The following COL24A1 variants were observed in gnomAD, a reference collection of about 807,000 sequenced individuals.
COL24A1 encodes collagen type XXIV alpha 1 chain.
A neutral mutation model predicts 253.9 loss-of-function variants in COL24A1; 224 were observed. The ratio of observed to expected loss-of-function variants is 0.88; its 90% CI spans 0.79 to 0.99. The LOEUF is 0.99. COL24A1 is among the 50% of genes least tolerant of loss of function. The probability of loss-of-function intolerance (pLI) is 0.00; values close to 1 mark genes in which losing one functional copy is unlikely to be tolerated. For synonymous variants in COL24A1, 685 were observed against 673.7 expected (o/e 1.02, Z -0.26); for missense variants, 2,131 against 2,068.5 (o/e 1.03, Z -0.59).
intron 24 of COL24A1, among the ~76,000 whole-genome samples, chr1:85,956,973 C>A: frequency 6.6e-6 from 1 of 152,052 alleles, no homozygotes; most frequent in Non-Finnish European, 1.5e-5. Context: ...ACCCAAATGC[C>A]CATCAATGAT....
chr1:86,111,996 G>A (rs1705663061), intron 5 of COL24A1, among the ~76,000 whole-genome samples: 1 of 152,146 alleles, frequency 6.6e-6, no homozygotes, highest in Admixed American at 6.5e-5. Flanking sequence ...CTCACCGCGA[G>A]GGTCCGTGGC....
chr1:86,132,282 T>C (rs1376567088), intron 2 of COL24A1, among the ~76,000 whole-genome samples: 2 of 152,176 alleles, frequency 1.3e-5, no homozygotes, highest in East Asian at 1.9e-4. Flanking sequence ...GTCAGATGAG[T>C]AGATTGCAAA....
At chr1:86,010,521 C>T (rs914895764) in intron 19 of COL24A1, among the ~76,000 whole-genome samples, 10 of 152,082 alleles carry the variant, frequency 6.6e-5, no homozygotes, top group African/African-American at 2.2e-4. Context: ...GATTGGAATG[C>T]AATTCTTTCA....
rs770017500 is a variant in COL24A1 at position 86,125,614 on chromosome 1, T to C, written c.722A>G (p.Gln241Arg). Reference sequence around the variant, plus strand: ...TTGGTATTTGTCTGCTTGGCGACACTGCTGTTTCACATATCTGCAGTAGTC... The same window carrying C: ...TTGGTATTTGTCTGCTTGGCGACACCGCTGTTTCACATATCTGCAGTAGTC... ...SADYCRYVKQ[Q>R]CRQADKYQPE... The change falls in exon 3 of 60, where the codon CAG (glutamine) becomes CGG (arginine). Residue 241 changes from glutamine to arginine, a missense_variant. Physicochemically the swap from Gln to Arg is conservative, Grantham distance 43. Transcript: ENST00000370571. 3.1e-6 allele frequency: 5 copies of C among 1,613,320 alleles called. No homozygotes were observed. In the South Asian group the frequency reaches 5.5e-5, roughly 18 times the overall value.
chr1:85,854,595 T>C (rs1421289108), intron 37 of COL24A1, among the ~76,000 whole-genome samples: 1 of 152,222 alleles, frequency 6.6e-6, no homozygotes, highest in Non-Finnish European at 1.5e-5. Context: ...TTCCTATCCA[T>C]GAGCATAGAA....
intron 55 of COL24A1, among the ~76,000 whole-genome samples, chr1:85,760,965 GC>G (rs1666789888): frequency 6.6e-6 from 1 of 152,056 alleles, no homozygotes; most frequent in Admixed American, 6.6e-5. Flanking sequence ...AAGTCTGATG[GC>G]TTCCAGAGTT....
chr1:86,041,707 G>A (rs1699501696), intron 12 of COL24A1, among the ~76,000 whole-genome samples: 1 of 151,794 alleles, frequency 6.6e-6, no homozygotes, highest in Admixed American at 6.6e-5. Flanking sequence ...GTGTACTTAG[G>A]CTTTTAAAAA....
intron 12 of COL24A1, among the ~76,000 whole-genome samples, chr1:86,041,724 C>A (rs1220582217): frequency 6.6e-6 from 1 of 152,006 alleles, no homozygotes; most frequent in Non-Finnish European, 1.5e-5. Flanking sequence ...AAAAATCTGG[C>A]TCACATCAGA....
At chr1:85,923,050 AC>A (rs1195914230) in intron 24 of COL24A1, among the ~76,000 whole-genome samples, 5 of 152,348 alleles carry the variant, frequency 3.3e-5, no homozygotes, top group African/African-American at 1.2e-4. Context: ...CTTTAAACCA[AC>A]AAAGATCAAA....
intron 45 of COL24A1, among the ~76,000 whole-genome samples, chr1:85,820,368 A>G (rs978889206): frequency 6.6e-6 from 1 of 152,172 alleles, no homozygotes; most frequent in Non-Finnish European, 1.5e-5. Context: ...GGAGCAGAGA[A>G]TGTTATTTAT....
At chr1:85,744,583 G>C in intron 57 of COL24A1, 83 bp downstream of exon 57, 1 of 1,166,484 alleles carries the variant, frequency 8.6e-7, no homozygotes, top group Non-Finnish European at 1.2e-6. Context: ...CTATGATTTG[G>C]AGTGAACACA....
chr1:85,861,100 A>G (rs922942939), intron 37 of COL24A1, among the ~76,000 whole-genome samples: 5 of 152,200 alleles, frequency 3.3e-5, no homozygotes, highest in African/African-American at 9.7e-5. Flanking sequence ...AAGAAACTGC[A>G]GATTTTATAT....
Position 86,005,911 on chromosome 1 carries a change from T to C in COL24A1, c.2310+11240A>G, listed in dbSNP as rs549378075. Among the ~76,000 whole-genome samples the C allele has an allele frequency of 2.0e-5, 3 of 152,264 alleles. No individual in the cohort carries two copies. The East Asian group carries it at 5.8e-4, about 29-fold the overall frequency. ...TATACAAAAGTTAACTGACTTCTTGTATACCAAGAACAAACTAATGAAATT... is the reference window on the plus strand; with the variant it reads ...TATACAAAAGTTAACTGACTTCTTGCATACCAAGAACAAACTAATGAAATT... On this transcript the variant is annotated intron_variant, in intron 19 of 59. Transcript: ENST00000370571.
intron 5 of COL24A1, among the ~76,000 whole-genome samples, chr1:86,097,030 A>G (rs1703937117): frequency 6.6e-6 from 1 of 152,168 alleles, no homozygotes; most frequent in Non-Finnish European, 1.5e-5. Context: ...TCACCAGGCT[A>G]TCACTGACGC....
chr1:86,033,790 G>T, intron 13 of COL24A1, 80 bp downstream of exon 13: 1 of 1,205,914 alleles, frequency 8.3e-7, no homozygotes, highest in Non-Finnish European at 1.2e-6. Context: ...TCACAAATAT[G>T]ATAATAAGGA....
In COL24A1 at chr1:86,068,414, G is replaced by A. The variant is rs568702498; in HGVS notation, c.1708-4655C>T. Among the ~76,000 whole-genome samples, 183 of 152,276 alleles carry A rather than the reference G, an allele frequency of 1.2e-3. 3 individuals are homozygous for A. Among genetic ancestry groups the A allele is most frequent in the Middle Eastern group, 6.8e-3 (2 of 294 alleles). On this transcript the variant is annotated intron_variant, in intron 7 of 59. Coordinates refer to ENST00000370571, the MANE Select transcript of COL24A1 (RefSeq NM_152890.7). ...GAACTCAGTGCTTCCCTGGCACAGC[G>A]GGAGGATTTGGACCAGCCCTAGCCA...
At chr1:86,054,905 C>A (rs1272751015) in intron 10 of COL24A1, among the ~76,000 whole-genome samples, 1 of 152,106 alleles carries the variant, frequency 6.6e-6, no homozygotes, top group African/African-American at 2.4e-5. Context: ...TGCTCATCAA[C>A]AGTGGACTGC....
At chr1:86,052,278 A>ATGGG (rs1472929936) in intron 10 of COL24A1, among the ~76,000 whole-genome samples, 32 of 152,284 alleles carry the variant, frequency 2.1e-4, no homozygotes, top group Non-Finnish European at 1.5e-5. Flanking sequence ...AGTAATTGTT[A>ATGGG]TTTCTATACC....
intron 19 of COL24A1, among the ~76,000 whole-genome samples, chr1:86,004,473 G>A (rs1318841167): frequency 1.3e-5 from 2 of 152,034 alleles, no homozygotes; most frequent in African/African-American, 2.4e-5. Flanking sequence ...ACATAACATT[G>A]GAATTTCCTT....
Sources: allele counts gnomAD v4.1 joint callset (sites outside exome capture counted in the v4.1 genomes callset), GRCh38; gene constraint gnomAD v4.1.1; transcripts MANE v1.5; gene names NCBI Gene and HGNC (gene_info 2026-07-23, HGNC 2026-07-21).